RAB6A: variants seen among roughly 807,000 people sequenced by gnomAD.
RAB6A encodes RAB6A, member RAS oncogene family.
In RAB6A, 8 loss-of-function variants were observed where a neutral mutation model predicts 32.3. That is an observed-to-expected ratio of 0.25 (90% CI 0.15 to 0.45). The LOEUF (loss-of-function observed/expected upper bound fraction) is 0.45. Among genes scored for constraint, RAB6A ranks in the 20% least tolerant of loss-of-function variants. RAB6A has a pLI of 1.00. For synonymous variants in RAB6A, 73 were observed against 82.1 expected, an observed-to-expected ratio of 0.89 and a Z score of 0.60; for missense variants, 104 against 249.4, an observed-to-expected ratio of 0.42 and a Z score of 3.93.
In RAB6A at chr11:73,735,920, T is replaced by TAA. The variant is rs10676769; in HGVS notation, c.71-5099_71-5098dup. On this transcript the variant is annotated intron_variant, in intron 1 of 7. Coordinates refer to ENST00000336083, the MANE Select transcript of RAB6A (RefSeq NM_198896.2). ...AGTTTCTGGAATCCCAACCTTGCCT[T>TAA]AAAAAAAAAAAAAAAAAAGAGAGAG... 8.5e-3 allele frequency among the ~76,000 whole-genome samples: 740 copies of TAA among 87,078 alleles called. 16 individuals are homozygous for TAA. The highest frequency in any genetic ancestry group is 0.029 in the Admixed American group (196 of 6,648). The allele number at this position is 87,078 out of a possible 152,430, so 57.1% of individuals were successfully genotyped here.
At chr11:73,725,718 G>A (rs1163311628) in intron 2 of RAB6A, among the ~76,000 whole-genome samples, 1 of 152,082 alleles carries the variant, frequency 6.6e-6, no homozygotes, top group Non-Finnish European at 1.5e-5. Context: ...GGGAATTGTG[G>A]GAGTTACAAT....
chr11:73,724,601 C>T (rs944923456), intron 2 of RAB6A, among the ~76,000 whole-genome samples: 1 of 151,970 alleles, frequency 6.6e-6, no homozygotes, highest in African/African-American at 2.4e-5. Context: ...ATTCTCCTGC[C>T]TCAGCCTCCT....
intron 2 of RAB6A, among the ~76,000 whole-genome samples, chr11:73,726,284 C>CAAA (rs1268493545): frequency 2.0e-5 from 1 of 50,992 alleles, no homozygotes. Flanking sequence ...GACTCCGTCT[C>CAAA]AAAAAAAAAA....
Position 73,675,805 on chromosome 11 carries a change from TAAAA to T in RAB6A, c.*2089_*2092del, listed in dbSNP as rs926923954. 1.8e-5 allele frequency: 3 copies of T among 166,566 alleles called. No homozygotes were observed. The highest frequency in any genetic ancestry group is 7.2e-5 in the African/African-American group (3 of 41,384). The allele number at this position is 166,566 out of a possible 1,614,324, so 10.3% of individuals were successfully genotyped here. A position where few individuals can be genotyped will look rare whatever the true frequency, so the allele number is the denominator to read the frequency against. ...AACTGGTTACTTTCTTAAAAATACA[TAAAA>T]AGAATCAAATGCAACAGTGTAGGAA... On this transcript the variant is annotated 3_prime_UTR_variant, in exon 8 of 8. Coordinates refer to ENST00000336083, the MANE Select transcript of RAB6A (RefSeq NM_198896.2).
At chr11:73,753,667 C>T (rs1590895338) in intron 1 of RAB6A, among the ~76,000 whole-genome samples, 3 of 151,788 alleles carry the variant, frequency 2.0e-5, no homozygotes, top group East Asian at 2.0e-4. Context: ...GCCGAGATTG[C>T]GCCACTGCAC....
intron 1 of RAB6A, among the ~76,000 whole-genome samples, chr11:73,733,054 G>T (rs1372943340): frequency 6.6e-6 from 1 of 151,914 alleles, no homozygotes; most frequent in Non-Finnish European, 1.5e-5. Flanking sequence ...CTCATGATCC[G>T]CCTGCCTTGA....
At chr11:73,709,860 C>T (rs11235869) in intron 5 of RAB6A, among the ~76,000 whole-genome samples, 3 of 146,412 alleles carry the variant, frequency 2.0e-5, no homozygotes, top group South Asian at 4.2e-4. Flanking sequence ...TACATATATA[C>T]ATATATACAC....
intron 2 of RAB6A, among the ~76,000 whole-genome samples, chr11:73,724,800 C>A (rs1044211665): frequency 3.3e-5 from 5 of 151,980 alleles, no homozygotes; most frequent in Non-Finnish European, 7.4e-5. Context: ...AAATGTATTT[C>A]TTTACAGCAC....
At chr11:73,758,042 A>G (rs1027323786) in intron 1 of RAB6A, among the ~76,000 whole-genome samples, 1 of 152,282 alleles carries the variant, frequency 6.6e-6, no homozygotes, top group Non-Finnish European at 1.5e-5. Flanking sequence ...TTTGCCATAG[A>G]TTACAGTCTT....
intron 1 of RAB6A, among the ~76,000 whole-genome samples, chr11:73,748,163 T>C: frequency 6.6e-6 from 1 of 152,218 alleles, no homozygotes; most frequent in East Asian, 1.9e-4. Flanking sequence ...TCTGTCTGTA[T>C]TTGTTAATTG....
chr11:73,684,316 C>T (rs1346839837), intron 6 of RAB6A, among the ~76,000 whole-genome samples: 1 of 151,976 alleles, frequency 6.6e-6, no homozygotes, highest in Non-Finnish European at 1.5e-5. Flanking sequence ...TTACAGGCAT[C>T]GGCCACCACA....
intron 1 of RAB6A, among the ~76,000 whole-genome samples, chr11:73,744,064 C>T (rs970853212): frequency 8.6e-5 from 13 of 151,962 alleles, no homozygotes; most frequent in African/African-American, 2.9e-4. Context: ...ACTGGACGGG[C>T]GCAGTGGCTC....
chr11:73,705,977 GA>G (rs1324979890), intron 6 of RAB6A, among the ~76,000 whole-genome samples: 7 of 151,568 alleles, frequency 4.6e-5, no homozygotes, highest in East Asian at 1.9e-4. Flanking sequence ...TTAGGAAAGG[GA>G]AAAAAAATGA....
At chr11:73,731,727 TATATACACACACAC>T (rs1946314322) in intron 1 of RAB6A, among the ~76,000 whole-genome samples, 1 of 8,408 alleles carries the variant, frequency 1.2e-4, no homozygotes, top group Non-Finnish European at 3.0e-4. Context: ...TATATATATA[TATATACACACACAC>T]ACACATATTT....
chr11:73,712,837 C>T lies in RAB6A; in HGVS notation c.401+3414G>A, dbSNP rs144602555. 6.8e-3 allele frequency among the ~76,000 whole-genome samples: 1,024 copies of T among 151,118 alleles called. 8 individuals carry two copies. The highest frequency in any genetic ancestry group is 9.8e-3 in the Non-Finnish European group (663 of 67,860). ...GGATCAAGTGATTCTCATGTCTCAG[C>T]CACCCAAGTAGCTGGGATTACAGGC... On this transcript the variant is annotated intron_variant, in intron 5 of 7. Transcript: ENST00000336083.
At chr11:73,716,633 TG>T (rs992563068) in intron 4 of RAB6A, among the ~76,000 whole-genome samples, 8 of 150,756 alleles carry the variant, frequency 5.3e-5, no homozygotes, top group African/African-American at 1.7e-4. Context: ...AGTATTTAAT[TG>T]AAAAAAAAAC....
intron 6 of RAB6A, chr11:73,704,141 C>A: frequency 2.6e-6 from 1 of 385,214 alleles, no homozygotes; most frequent in East Asian, 8.0e-5. Context: ...TCGAAATCTT[C>A]GAGGCCAAGT....
chr11:73,744,748 G>A (rs1424600547), intron 1 of RAB6A, among the ~76,000 whole-genome samples: 11 of 152,044 alleles, frequency 7.2e-5, no homozygotes, highest in Non-Finnish European at 1.5e-4. Flanking sequence ...AGGCCGAGGC[G>A]GGCAGGTCAT....
chr11:73,705,273 T>A (rs1055410390), intron 6 of RAB6A, among the ~76,000 whole-genome samples: 6 of 151,900 alleles, frequency 3.9e-5, no homozygotes, highest in Non-Finnish European at 8.8e-5. Flanking sequence ...GCCAGCTGGG[T>A]GTGGTGGCTC....
Sources: allele counts gnomAD v4.1 joint callset (sites outside exome capture counted in the v4.1 genomes callset), GRCh38; gene constraint gnomAD v4.1.1; transcripts MANE v1.5; gene names NCBI Gene and HGNC (gene_info 2026-07-23, HGNC 2026-07-21).